DDX41: variants seen among roughly 807,000 people sequenced by gnomAD.
The protein encoded by DDX41 is DEAD-box helicase 41, also known as probable ATP-dependent RNA helicase DDX41.
Under a neutral mutation model 78.8 loss-of-function variants are expected in DDX41, and 50 were observed. The observed-to-expected ratio is 0.63, with a 90% CI of 0.51 to 0.80. DDX41 has a LOEUF of 0.80. Among genes scored for constraint, DDX41 ranks in the 30% least tolerant of loss-of-function variants. The pLI is 0.00. For synonymous variants in DDX41, 381 were observed against 321.5 expected (o/e 1.19, Z -1.98); for missense variants, 633 against 849.2 (o/e 0.75, Z 3.16).
chr5:177,516,704 C>A lies in DDX41; in HGVS notation c.138+21G>T, dbSNP rs776945011. The A allele has an allele frequency of 3.8e-5, 59 of 1,569,620 alleles. No individual in the cohort carries two copies. The Admixed American group carries it at 1.1e-3, about 29-fold the overall frequency. ...ACCCCGCGGTCACGGCCCCATCCCT[C>A]CCCGGACGCGTGCCCCTCACCAGTA... On this transcript the variant is annotated intron_variant, in intron 2 of 16. Transcript: ENST00000330503.
At position 177,516,908 on chromosome 5, in the gene DDX41, C is replaced by T. The variant is rs935249664; in HGVS notation, c.27+11G>A. ...CGCTCCCACACGCGCGGGGTCTCGC[C>T]TCTCTCCTACCTTCCGTTCGGGTTC... On this transcript the variant is annotated intron_variant, in intron 1 of 16. Coordinates refer to ENST00000330503, the MANE Select transcript of DDX41 (RefSeq NM_016222.4). 8 of 1,613,226 alleles carry T rather than the reference C, an allele frequency of 5.0e-6. No individual in the cohort carries two copies. The highest frequency in any genetic ancestry group is 1.1e-5 in the South Asian group (1 of 91,086).
At chr5:177,516,693 G>A (rs139078584) in intron 2 of DDX41, 32 bp downstream of exon 2, 33,561 of 1,558,504 alleles carry the variant, frequency 0.022, 446 homozygotes, top group Non-Finnish European at 0.026. Flanking sequence ...CGCGGTCACG[G>A]CCCCATCCCT....
Position 177,515,777 on chromosome 5 carries a change from T to G in DDX41, c.479A>C (p.His160Pro). Reference protein sequence around the residue: ...RYVLSMSEERHERVRKKYHIL... With the variant: ...RYVLSMSEERPERVRKKYHIL... ...GTGGTATTTCTTCCGCACGCGCTCATGTCGCTCTTCAGACATGCTCAGAAC... is the reference window on the plus strand; with the variant it reads ...GTGGTATTTCTTCCGCACGCGCTCAGGTCGCTCTTCAGACATGCTCAGAAC... The change falls in exon 6 of 17, where the codon CAT becomes CCT. Residue 160 changes from histidine (H) to proline (P), a missense_variant. His to Pro is a moderately conservative substitution (Grantham distance 77). This residue lies in a region of DDX41 where 126 missense variants were observed against 115.5 expected (regional missense o/e 1.09). Coordinates refer to ENST00000330503, the MANE Select transcript of DDX41 (RefSeq NM_016222.4). 6.2e-7 allele frequency: 1 copy of G among 1,614,208 alleles called. No individual in the cohort carries two copies. Among genetic ancestry groups the G allele is most frequent in the Non-Finnish European group, 8.5e-7 (1 of 1,180,040 alleles).
rs1399847240 is a variant in DDX41 at position 177,516,941 on chromosome 5, T to G, written c.5A>C (p.Glu2Ala). M[E>A]ESEPERKRAR... ...TACCTTCCGTTCGGGTTCCGACTCC[T>G]CCATTCTTTGCTGCACGCATGCGCG... Residue 2 changes from glutamate (E) to alanine (A), a missense_variant, in exon 1 of 17, where the codon GAG becomes GCG. Physicochemically the swap from Glu to Ala is moderately radical, Grantham distance 107. Coordinates refer to ENST00000330503, the MANE Select transcript of DDX41 (RefSeq NM_016222.4). 3.1e-6 allele frequency: 5 copies of G among 1,612,788 alleles called. No individual in the cohort carries two copies. Among genetic ancestry groups the G allele is most frequent in the Middle Eastern group, 1.7e-4 (1 of 6,060 alleles).
Position 177,514,851 on chromosome 5 carries a change from G to A in DDX41, c.799-14C>T, listed in dbSNP as rs771077918. Reference sequence around the variant, plus strand: ...GGCCAGCTCCCGCTGCAGGCAGAGGGACAAAGGCTGGCACCAGATGGCAGC... The same window carrying A: ...GGCCAGCTCCCGCTGCAGGCAGAGGAACAAAGGCTGGCACCAGATGGCAGC... On this transcript the variant is annotated splice_polypyrimidine_tract_variant and intron_variant, in intron 8 of 16. Transcript: ENST00000330503. The surrounding 1 kb of genome is among the most constrained non-coding windows in gnomAD (Gnocchi z 4.2). 1.2e-6 allele frequency: 2 copies of A among 1,609,084 alleles called. No individual in the cohort carries two copies. Among genetic ancestry groups the A allele is most frequent in the Admixed American group, 1.7e-5 (1 of 59,942 alleles).
In DDX41 at chr5:177,511,587, G is replaced by A; in HGVS notation, c.*204C>T. 2.9e-6 allele frequency: 2 copies of A among 689,730 alleles called. No homozygotes were observed. The highest frequency in any genetic ancestry group is 4.8e-6 in the Non-Finnish European group (2 of 420,546). 42.7% of individuals were successfully genotyped at this position (689,730 alleles called of 1,614,324 possible). On this transcript the variant is annotated 3_prime_UTR_variant, in exon 17 of 17. Transcript: ENST00000330503. ...AGGCAGGGCCAGGGCTGGGCTAGAG[G>A]TTTGGGCTTTAATGGCAGCTGGGGT...
intron 15 of DDX41, 33 bp from the exon 16 acceptor site, chr5:177,512,239 T>C: frequency 1.9e-6 from 3 of 1,612,706 alleles, no homozygotes; most frequent in Non-Finnish European, 2.5e-6. Context: ...TCAGGGCCCA[T>C]CCTGGGCTCT....
Position 177,513,322 on chromosome 5 carries a change from G to A in DDX41, c.1230+31C>T. 1 of 1,613,736 alleles carries A rather than the reference G, an allele frequency of 6.2e-7. No homozygotes were observed. Among genetic ancestry groups the A allele is most frequent in the Admixed American group, 1.7e-5 (1 of 60,016 alleles). On this transcript the variant is annotated intron_variant, in intron 11 of 16. Coordinates refer to ENST00000330503, the MANE Select transcript of DDX41 (RefSeq NM_016222.4). This position sits in a 1 kb window ranked among gnomAD's most constrained non-coding sequence, Gnocchi z 4.6. ...CTTGTCAGATCCAGCCCCCACAGGT[G>A]AGAGACCGCCCATCAGGAGCACCTG...
rs1459080623 is a variant in DDX41, at chr5:177,513,758, G to A, written c.1025C>T (p.Ala342Val). 5 of 1,613,770 alleles carry A rather than the reference G, an allele frequency of 3.1e-6. No homozygotes were observed. Among genetic ancestry groups the A allele is most frequent in the South Asian group, 1.1e-5 (1 of 91,090 alleles). The change falls in exon 10 of 17, where the codon GCC becomes GTC. Residue 342 changes from alanine to valine, a missense_variant. Transcript: ENST00000330503. This position sits in a 1 kb window ranked among gnomAD's most constrained non-coding sequence, Gnocchi z 4.6. ...MVSLDICRYLALDEADRMIDM... is the reference protein window; with the variant it reads ...MVSLDICRYLVLDEADRMIDM... ...GATCATGCGGTCAGCCTCGTCCAGGGCCAGGTAGCGACAGATGTCTAGGCT... is the reference window on the plus strand; with the variant it reads ...GATCATGCGGTCAGCCTCGTCCAGGACCAGGTAGCGACAGATGTCTAGGCT...
At position 177,511,590 on chromosome 5, in the gene DDX41, T is replaced by C. The variant is rs1183798728; in HGVS notation, c.*201A>G. On this transcript the variant is annotated 3_prime_UTR_variant, in exon 17 of 17. Coordinates refer to ENST00000330503, the MANE Select transcript of DDX41 (RefSeq NM_016222.4). ...CAGGGCCAGGGCTGGGCTAGAGGTTTGGGCTTTAATGGCAGCTGGGGTAAA... is the reference window on the plus strand; with the variant it reads ...CAGGGCCAGGGCTGGGCTAGAGGTTCGGGCTTTAATGGCAGCTGGGGTAAA... 3 of 698,998 alleles carry C rather than the reference T, an allele frequency of 4.3e-6. No homozygotes were observed. The highest frequency in any genetic ancestry group is 7.0e-6 in the Non-Finnish European group (3 of 428,800). The allele number at this position is 698,998 out of a possible 1,614,324, so 43.3% of individuals were successfully genotyped here.
At position 177,515,763 on chromosome 5, in the gene DDX41, T is replaced by G; in HGVS notation, c.493A>C (p.Lys165Gln). The G allele has an allele frequency of 6.2e-7, 1 of 1,614,160 alleles. No homozygotes were observed. The highest frequency in any genetic ancestry group is 1.1e-5 in the South Asian group (1 of 91,084). ...CCCTCCACCAGGATGTGGTATTTCT[T>G]CCGCACGCGCTCATGTCGCTCTTCA... The part of the protein sequence containing the change: ...MSEERHERVR[K>Q]KYHILVEGDG... Residue 165 changes from lysine (K) to glutamine (Q), a missense_variant, in exon 6 of 17, where the codon AAG becomes CAG. By Grantham distance (53) the Lys-to-Gln change is moderately conservative. This residue lies in a region of DDX41 where 126 missense variants were observed against 115.5 expected (regional missense o/e 1.09). Coordinates refer to ENST00000330503, the MANE Select transcript of DDX41 (RefSeq NM_016222.4).
Position 177,511,818 on chromosome 5 carries a change from G to A in DDX41, c.1842C>T (p.Tyr614=), listed in dbSNP as rs369601583. 6.2e-7 allele frequency: 1 copy of A among 1,614,058 alleles called. No homozygotes were observed. The highest frequency in any genetic ancestry group is 1.3e-5 in the African/African-American group (1 of 74,928). ...AGAAGTCCATGGAGCTGTGGGCCAGGTAGTCCTTGCGACCGATGTTGCTGA... is the reference window on the plus strand; with the variant it reads ...AGAAGTCCATGGAGCTGTGGGCCAGATAGTCCTTGCGACCGATGTTGCTGA... The part of the protein sequence containing the change: ...KQVSNIGRKD[Y]LAHSSMDF The change falls in exon 17 of 17, where the codon TAC becomes TAT. Residue 614 remains tyrosine (Y), a synonymous_variant. Transcript: ENST00000330503.
At position 177,511,939 on chromosome 5, in the gene DDX41, G is replaced by A; in HGVS notation, c.1733-12C>T. Reference sequence around the variant, plus strand: ...ACAGCCGCGCTCTCCTGGGGGAATGGGGACAGGGGTCAGCCAAGTCAAGGA... The same window carrying A: ...ACAGCCGCGCTCTCCTGGGGGAATGAGGACAGGGGTCAGCCAAGTCAAGGA... On this transcript the variant is annotated splice_polypyrimidine_tract_variant and intron_variant, in intron 16 of 16. Coordinates refer to ENST00000330503, the MANE Select transcript of DDX41 (RefSeq NM_016222.4). The A allele has an allele frequency of 6.2e-7, 1 of 1,613,414 alleles. No homozygotes were observed. Among genetic ancestry groups the A allele is most frequent in the Non-Finnish European group, 8.5e-7 (1 of 1,179,960 alleles).
In DDX41 at chr5:177,512,988, C is replaced by T. The variant is rs200741070; in HGVS notation, c.1302+23G>A. The T allele has an allele frequency of 4.5e-4, 728 of 1,612,932 alleles. 3 individuals carry two copies. The highest frequency in any genetic ancestry group is 5.7e-4 in the Non-Finnish European group (678 of 1,179,390). On this transcript the variant is annotated intron_variant, in intron 12 of 16. Coordinates refer to ENST00000330503, the MANE Select transcript of DDX41 (RefSeq NM_016222.4). ...TCCCTGGTCCTGGGGACTCTGGCCC[C>T]GGCCTGGCCTGGCTGCACTCACAGG...
At chr5:177,512,439 G>A in intron 14 of DDX41, 46 bp from the exon 15 acceptor site, 1 of 1,614,094 alleles carries the variant, frequency 6.2e-7, no homozygotes, top group Non-Finnish European at 8.5e-7. Context: ...TGGACACTAG[G>A]GGCCTGGCTT....
chr5:177,512,402 A>G lies in DDX41; in HGVS notation c.1550-9T>C. On this transcript the variant is annotated splice_polypyrimidine_tract_variant and intron_variant, in intron 14 of 16. Coordinates refer to ENST00000330503, the MANE Select transcript of DDX41 (RefSeq NM_016222.4). ...GCGGCCAATCCGGTGTACTGCAGAG[A>G]GAAGGACAGAGTCTCTGGCCCATCG... 1 of 1,613,982 alleles carries G rather than the reference A, an allele frequency of 6.2e-7. No individual in the cohort carries two copies.
At chr5:177,512,277 A>T in intron 15 of DDX41, 45 bp downstream of exon 15, 1 of 1,613,972 alleles carries the variant, frequency 6.2e-7, no homozygotes, top group Non-Finnish European at 8.5e-7. Context: ...GGCCACAGGC[A>T]GGGGACCCAG....
chr5:177,513,849 T>C lies in DDX41; in HGVS notation c.936-2A>G. ...GTGGCCACCATCATGTGTACACCGC[T>C]GGGGACCAAGGAGAGACCCTGAGGT... On this transcript the variant is annotated splice_acceptor_variant, in intron 9 of 16. Transcript: ENST00000330503. LOFTEE classifies it high-confidence loss of function. The surrounding 1 kb of genome is among the most constrained non-coding windows in gnomAD (Gnocchi z 4.6). 6.2e-7 allele frequency: 1 copy of C among 1,613,440 alleles called. No individual in the cohort carries two copies. Among genetic ancestry groups the C allele is most frequent in the South Asian group, 1.1e-5 (1 of 91,084 alleles).
In DDX41 at chr5:177,516,722, C is replaced by A; in HGVS notation, c.138+3G>T. 6.3e-7 allele frequency: 1 copy of A among 1,593,860 alleles called. No individual in the cohort carries two copies. The highest frequency in any genetic ancestry group is 1.1e-5 in the South Asian group (1 of 88,824). Reference sequence around the variant, plus strand: ...CATCCCTCCCCGGACGCGTGCCCCTCACCAGTAGCTGCCGGCGCTGCCGTA... The same window carrying A: ...CATCCCTCCCCGGACGCGTGCCCCTAACCAGTAGCTGCCGGCGCTGCCGTA... On this transcript the variant is annotated splice_donor_region_variant and intron_variant, in intron 2 of 16. Coordinates refer to ENST00000330503, the MANE Select transcript of DDX41 (RefSeq NM_016222.4).
Sources: allele counts gnomAD v4.1 joint callset, GRCh38; gene constraint gnomAD v4.1.1; regional missense constraint gnomAD v4.1.1; non-coding constraint Gnocchi (gnomAD v3.1); transcripts MANE v1.5; gene names NCBI Gene and HGNC (gene_info 2026-07-23, HGNC 2026-07-21).